The following SNED1 variants were observed in gnomAD, a reference collection of about 807,000 sequenced individuals.
SNED1 encodes sushi, nidogen and EGF-like domain-containing protein 1.
Under a neutral mutation model 166.7 loss-of-function variants are expected in SNED1, and 81 were observed. That is an observed-to-expected ratio of 0.49 (90% CI 0.41 to 0.58). SNED1 has a LOEUF of 0.58. SNED1 is among the 20% of genes least tolerant of loss of function. The pLI is 0.00. For synonymous variants in SNED1, 762 were observed against 822.0 expected, an observed-to-expected ratio of 0.93 and a Z score of 1.25; for missense variants, 1,604 against 2,000.2, an observed-to-expected ratio of 0.80 and a Z score of 3.78.
intron 16 of SNED1, among the ~76,000 whole-genome samples, chr2:241,060,262 A>G (rs761915569): frequency 7.3e-5 from 11 of 151,466 alleles, no homozygotes; most frequent in Non-Finnish European, 1.0e-4. Flanking sequence ...GGCTCACTGC[A>G]ACCTCCGCCT....
intron 17 of SNED1, 79 bp downstream of exon 17, chr2:241,062,983 AG>A: frequency 1.1e-6 from 1 of 932,436 alleles, no homozygotes; most frequent in South Asian, 1.7e-5. Flanking sequence ...TCCCCCGGAC[AG>A]GTCTCTGTCT....
At chr2:241,050,248 G>T (rs779064308) in intron 12 of SNED1, among the ~76,000 whole-genome samples, 1 of 152,154 alleles carries the variant, frequency 6.6e-6, no homozygotes, top group African/African-American at 2.4e-5. Flanking sequence ...AATTTCCATA[G>T]GATTTTGCTC....
chr2:241,046,441 C>A lies in SNED1; in HGVS notation c.1274-1874C>A, dbSNP rs957174186. On this transcript the variant is annotated intron_variant, in intron 8 of 31. Coordinates refer to ENST00000310397, the MANE Select transcript of SNED1 (RefSeq NM_001080437.3). ...GTGAATGGATAGACAAATTGTGGAA[C>A]CTCTGTATGGTGGAATACTACTCAG... 1.3e-5 allele frequency among the ~76,000 whole-genome samples: 2 copies of A among 152,132 alleles called. 1 individual carries two copies. The highest frequency in any genetic ancestry group is 4.1e-4 in the South Asian group (2 of 4,826).
rs973766190 is a variant in SNED1, at chr2:241,034,810, G to C, written c.805+80G>C. On this transcript the variant is annotated intron_variant, in intron 4 of 31. Transcript: ENST00000310397. ...TGGCAGAGGAGAGGTGGAGACGAAG[G>C]GGGCTGGATGCTGACGGGGAGAGCA... 21 of 1,414,452 alleles carry C rather than the reference G, an allele frequency of 1.5e-5. No homozygotes were observed. In the African/African-American group the frequency reaches 2.7e-4, roughly 18 times the overall value. The allele number at this position is 1,414,452 out of a possible 1,614,324, so 87.6% of individuals were successfully genotyped here. A position where few individuals can be genotyped will look rare whatever the true frequency, so the allele number is the denominator to read the frequency against.
In SNED1 at chr2:241,073,814, T is replaced by C; in HGVS notation, c.3916+450T>C. The C allele has an allele frequency of 3.9e-6, 1 of 257,942 alleles. No individual in the cohort carries two copies. The highest frequency in any genetic ancestry group is 7.4e-6 in the Non-Finnish European group (1 of 135,068). The allele number at this position is 257,942 out of a possible 1,614,324, so 16.0% of individuals were successfully genotyped here. On this transcript the variant is annotated intron_variant, in intron 27 of 31. Coordinates refer to ENST00000310397, the MANE Select transcript of SNED1 (RefSeq NM_001080437.3). The surrounding 1 kb of genome is among the most constrained non-coding windows in gnomAD (Gnocchi z 6.6). ...AGGACTAGCTGGGCCCTGTGGACAC[T>C]CAGGTTATGCAGGACCTGAACTGTC...
At chr2:241,046,760 A>T (rs1020119429) in intron 8 of SNED1, among the ~76,000 whole-genome samples, 3 of 152,212 alleles carry the variant, frequency 2.0e-5, no homozygotes, top group African/African-American at 7.2e-5. Flanking sequence ...GTTAAAATTC[A>T]TAGAGGTGTG....
At chr2:241,088,648 G>A in intron 31 of SNED1, 1 of 537,336 alleles carries the variant, frequency 1.9e-6, no homozygotes, top group Non-Finnish European at 3.3e-6. Flanking sequence ...GCTCTCTGTG[G>A]ATAGGGCAAA....
In SNED1 at chr2:241,051,076, C is replaced by A. The variant is rs904791743; in HGVS notation, c.1736-668C>A. Reference sequence around the variant, plus strand: ...TGGACCTGCAGCGTGGGATGGCTGGCAGGAGAGGAGCGAGCACAGTGGGGC... The same window carrying A: ...TGGACCTGCAGCGTGGGATGGCTGGAAGGAGAGGAGCGAGCACAGTGGGGC... On this transcript the variant is annotated intron_variant, in intron 12 of 31. Coordinates refer to ENST00000310397, the MANE Select transcript of SNED1 (RefSeq NM_001080437.3). The surrounding 1 kb of genome is among the most constrained non-coding windows in gnomAD (Gnocchi z 4.7). Among the ~76,000 whole-genome samples, 1 of 152,182 alleles carries A rather than the reference C, an allele frequency of 6.6e-6. No individual in the cohort carries two copies. The highest frequency in any genetic ancestry group is 1.5e-5 in the Non-Finnish European group (1 of 68,030).
chr2:241,061,020 A>C (rs2062213666), intron 16 of SNED1, among the ~76,000 whole-genome samples: 1 of 152,174 alleles, frequency 6.6e-6, no homozygotes, highest in South Asian at 2.1e-4. Flanking sequence ...AGACTCCTTA[A>C]GCCACAAAAA....
At position 241,037,247 on chromosome 2, in the gene SNED1, C is replaced by T. The variant is rs2061405298; in HGVS notation, c.939C>T (p.Asn313=). Residue 313 remains asparagine (N), a synonymous_variant, in exon 6 of 32, where the codon AAC becomes AAT. Transcript: ENST00000310397. ...GCCTGCCCCATGTTTCAGACGTGAA[C>T]GAATGTGCCTCCCAGCCCTGTCAGA... ...FTGRRCHLDV[N]ECASQPCQNG... The T allele has an allele frequency of 6.2e-7, 1 of 1,608,958 alleles. No individual in the cohort carries two copies. The highest frequency in any genetic ancestry group is 8.5e-7 in the Non-Finnish European group (1 of 1,177,830).
At position 241,036,927 on chromosome 2, in the gene SNED1, G is replaced by T. The variant is rs375996335; in HGVS notation, c.931+12G>T. 2.5e-6 allele frequency: 4 copies of T among 1,605,088 alleles called. No individual in the cohort carries two copies. On this transcript the variant is annotated intron_variant, in intron 5 of 31. Coordinates refer to ENST00000310397, the MANE Select transcript of SNED1 (RefSeq NM_001080437.3). ...GAGGTGCCACCTGGGTGAGTGACTG[G>T]CCCAGGGCGGGACCACCCGCTGGCT...
At chr2:241,063,303 C>G in intron 17 of SNED1, 1 of 516,810 alleles carries the variant, frequency 1.9e-6, no homozygotes, top group Non-Finnish European at 3.5e-6. Flanking sequence ...GGGCAAGGCC[C>G]AGGGAGCCGT....
chr2:241,088,946 AAGTCGTCAC>A, intron 31 of SNED1: 1 of 221,386 alleles, frequency 4.5e-6, no homozygotes. Context: ...CGCCGCTAGA[AAGTCGTCAC>A]TGACACTGGG....
rs1209386587 is a variant in SNED1, at chr2:240,999,776, C to A, written c.213+726C>A. On this transcript the variant is annotated intron_variant, in intron 1 of 31. Transcript: ENST00000310397. The surrounding 1 kb of genome is among the most constrained non-coding windows in gnomAD (Gnocchi z 5.8). ...TGTCTCCATGGCTCCCAGAGTGTGA[C>A]CCCAGGCCAAGCCCTTATGGCAGCC... Among the ~76,000 whole-genome samples the A allele has an allele frequency of 6.6e-6, 1 of 152,164 alleles. No homozygotes were observed. The highest frequency in any genetic ancestry group is 6.5e-5 in the Admixed American group (1 of 15,286).
rs12386157 is a variant in SNED1 at position 241,052,526 on chromosome 2, G to C, written c.2083+58G>C. Reference sequence around the variant, plus strand: ...TGGGATACCAGTGCCAGGCAGGTGAGATGGCCAGGGCCCAAGCAGGGTACA... The same window carrying C: ...TGGGATACCAGTGCCAGGCAGGTGACATGGCCAGGGCCCAAGCAGGGTACA... On this transcript the variant is annotated intron_variant, in intron 15 of 31. Coordinates refer to ENST00000310397, the MANE Select transcript of SNED1 (RefSeq NM_001080437.3). The C allele has an allele frequency of 3.1e-3, 4,120 of 1,333,170 alleles. 153 individuals are homozygous for C. In the African/African-American group the frequency reaches 0.062, roughly 20 times the overall value. The allele number at this position is 1,333,170 out of a possible 1,614,324, so 82.6% of individuals were successfully genotyped here.
rs1228692569 is a variant in SNED1, at chr2:240,999,351, G to T, written c.213+301G>T. ...TCTTCCCGGCGCCTGATTCCCAGGG[G>T]AGAGCAGGGGTCCTGGTACTGCCCT... is the stretch of plus-strand genomic sequence containing the variant. On this transcript the variant is annotated intron_variant, in intron 1 of 31. Coordinates refer to ENST00000310397, the MANE Select transcript of SNED1 (RefSeq NM_001080437.3). This position sits in a 1 kb window ranked among gnomAD's most constrained non-coding sequence, Gnocchi z 5.8. Among the ~76,000 whole-genome samples, 1 of 152,070 alleles carries T rather than the reference G, an allele frequency of 6.6e-6. No homozygotes were observed. The highest frequency in any genetic ancestry group is 1.5e-5 in the Non-Finnish European group (1 of 67,992).
intron 6 of SNED1, 107 bp downstream of exon 6, chr2:241,037,460 G>A: frequency 5.1e-6 from 4 of 780,266 alleles, no homozygotes; most frequent in South Asian, 1.7e-5. Context: ...TGTGCATGCT[G>A]CAAGGTAGAC....
At chr2:241,009,635 T>A (rs1187695413) in intron 1 of SNED1, among the ~76,000 whole-genome samples, 1 of 151,980 alleles carries the variant, frequency 6.6e-6, no homozygotes, top group East Asian at 1.9e-4. Context: ...AGAGAGGACA[T>A]GGCATCAACA....
intron 2 of SNED1, among the ~76,000 whole-genome samples, chr2:241,031,626 A>G (rs551845411): frequency 1.3e-5 from 2 of 152,264 alleles, no homozygotes; most frequent in Admixed American, 6.5e-5. Context: ...GTTCAGCTTC[A>G]TGCATCTCCT....
Sources: allele counts gnomAD v4.1 joint callset (sites outside exome capture counted in the v4.1 genomes callset), GRCh38; gene constraint gnomAD v4.1.1; non-coding constraint Gnocchi (gnomAD v3.1); transcripts MANE v1.5; gene names NCBI Gene and HGNC (gene_info 2026-07-23, HGNC 2026-07-21).